The following FER1L5 variants were observed in gnomAD, a reference collection of about 807,000 sequenced individuals.
FER1L5 encodes the protein fer-1-like protein 5.
FER1L5 carries 187 observed loss-of-function variants against 279.9 expected under a neutral mutation model. The observed-to-expected ratio is 0.67, with a 90% CI of 0.59 to 0.75. FER1L5 has a LOEUF of 0.75. Ranked by LOEUF, FER1L5 falls within the 30% of genes least tolerant of loss-of-function variation. The pLI is 0.00. For synonymous variants in FER1L5, 921 were observed against 989.7 expected (o/e 0.93, Z 1.30); for missense variants, 2,091 against 2,594.4 (o/e 0.81, Z 4.21).
At chr2:96,671,644 T>C (rs1424681327) in intron 18 of FER1L5, among the ~76,000 whole-genome samples, 1 of 152,078 alleles carries the variant, frequency 6.6e-6, no homozygotes, top group Non-Finnish European at 1.5e-5. Context: ...GAACCTGTGG[T>C]AGTGGAAGAA....
At chr2:96,677,587 C>T (rs190426873) in intron 19 of FER1L5, among the ~76,000 whole-genome samples, 21 of 152,198 alleles carry the variant, frequency 1.4e-4, no homozygotes, top group African/African-American at 3.1e-4. Flanking sequence ...TAAAGCTGCC[C>T]GGGCACGGTG....
chr2:96,654,243 T>C (rs532017530), intron 8 of FER1L5: 2 of 379,744 alleles, frequency 5.3e-6, no homozygotes, highest in Non-Finnish European at 9.3e-6. Flanking sequence ...AATTTCCTCA[T>C]CAGTAAAATG....
chr2:96,654,274 ACAGG>A (rs887472419), intron 8 of FER1L5, 168 bp from the exon 9 acceptor site: 3 of 389,946 alleles, frequency 7.7e-6, no homozygotes, highest in Non-Finnish European at 1.4e-5. Flanking sequence ...TCTGAACCTC[ACAGG>A]GTTCCTCTGA....
chr2:96,647,620 G>T (rs1393389618), intron 3 of FER1L5, among the ~76,000 whole-genome samples, 158 bp from the exon 4 acceptor site: 2 of 152,194 alleles, frequency 1.3e-5, no homozygotes, highest in African/African-American at 4.8e-5. Flanking sequence ...CCTGTGCCCT[G>T]TCATGGATAC....
At position 96,663,524 on chromosome 2, in the gene FER1L5, A is replaced by C; in HGVS notation, c.1140+17A>C. The C allele has an allele frequency of 6.4e-7, 1 of 1,551,098 alleles. No homozygotes were observed. ...CGGATTCAGGTATGGCTCCTCCATC[A>C]TGCCCACCCTTCTCCCACATCCCCT... On this transcript the variant is annotated intron_variant, in intron 14 of 52. Coordinates refer to ENST00000624922, the MANE Select transcript of FER1L5 (RefSeq NM_001293083.2).
At chr2:96,692,839 C>T (rs1486197716) in intron 31 of FER1L5, among the ~76,000 whole-genome samples, 1 of 152,070 alleles carries the variant, frequency 6.6e-6, no homozygotes, top group Admixed American at 6.5e-5. Flanking sequence ...TCGAGAGGCC[C>T]ATGTGACGCT....
intron 1 of FER1L5, among the ~76,000 whole-genome samples, chr2:96,644,324 A>C (rs1036014704): frequency 1.4e-4 from 21 of 148,894 alleles, no homozygotes; most frequent in Non-Finnish European, 2.5e-4. Flanking sequence ...TAAAAATACA[A>C]AAAAAAAAAA....
Position 96,689,638 on chromosome 2 carries a change from C to A in FER1L5, c.2526-6C>A. 1 of 1,549,486 alleles carries A rather than the reference C, an allele frequency of 6.5e-7. No individual in the cohort carries two copies. Among genetic ancestry groups the A allele is most frequent in the Non-Finnish European group, 8.7e-7 (1 of 1,145,498 alleles). On this transcript the variant is annotated splice_region_variant and splice_polypyrimidine_tract_variant and intron_variant, in intron 25 of 52. Coordinates refer to ENST00000624922, the MANE Select transcript of FER1L5 (RefSeq NM_001293083.2). This position sits in a 1 kb window ranked among gnomAD's most constrained non-coding sequence, Gnocchi z 4.6. The stretch of plus-strand genomic sequence containing the variant: ...TGCTGGGAACTTGGGGTCTCATTAC[C>A]CCCAGGCTCCTCCTGGACATAGACA...
intron 18 of FER1L5, among the ~76,000 whole-genome samples, chr2:96,672,427 A>T (rs556271673): frequency 6.6e-6 from 1 of 152,270 alleles, no homozygotes; most frequent in South Asian, 2.1e-4. Flanking sequence ...GTGGTAGCTA[A>T]ATAGGGGTTC....
Position 96,691,448 on chromosome 2 carries a change from C to T in FER1L5, c.2911C>T (p.Leu971=). ...QETLSFLQLG[L]AKGEEEGWEY... ...CCTGCTCTCCTCCCCACCACAGGGC[C>T]TGGCCAAGGGCGAGGAGGAGGGCTG... The change falls in exon 29 of 53, where the codon CTG becomes TTG. Residue 971 remains leucine, a synonymous_variant. Coordinates refer to ENST00000624922, the MANE Select transcript of FER1L5 (RefSeq NM_001293083.2). This position sits in a 1 kb window ranked among gnomAD's most constrained non-coding sequence, Gnocchi z 6.0. The T allele has an allele frequency of 1.3e-6, 2 of 1,538,738 alleles. No individual in the cohort carries two copies. Among genetic ancestry groups the T allele is most frequent in the Middle Eastern group, 1.7e-4 (1 of 5,920 alleles).
intron 19 of FER1L5, 89 bp from the exon 20 acceptor site, chr2:96,684,238 C>A: frequency 6.7e-7 from 1 of 1,485,790 alleles, no homozygotes; most frequent in South Asian, 1.3e-5. Context: ...GTGCAGTGGT[C>A]CAGAGAGGTC....
chr2:96,697,595 C>G lies in FER1L5; in HGVS notation c.4134+19C>G. On this transcript the variant is annotated intron_variant, in intron 38 of 52. Coordinates refer to ENST00000624922, the MANE Select transcript of FER1L5 (RefSeq NM_001293083.2). ...AGCAGAGGTGATGAAGGCTCAGCCC[C>G]ATTCAGTGCAGGGAGGTGGGGGGCT... The G allele has an allele frequency of 6.2e-7, 1 of 1,613,804 alleles. No homozygotes were observed.
chr2:96,699,296 T>C (rs531417067), intron 42 of FER1L5, among the ~76,000 whole-genome samples, 160 bp downstream of exon 42: 16 of 152,164 alleles, frequency 1.1e-4, no homozygotes, highest in African/African-American at 3.9e-4. Flanking sequence ...AAGACAAATA[T>C]ATGGGTGGGC....
chr2:96,684,558 C>A, intron 20 of FER1L5, 107 bp downstream of exon 20: 1 of 1,427,026 alleles, frequency 7.0e-7, no homozygotes, highest in Non-Finnish European at 9.4e-7. Context: ...ACAGCTCATT[C>A]ATGCATTCAT....
chr2:96,687,713 A>C, intron 23 of FER1L5, 103 bp from the exon 24 acceptor site: 2 of 1,480,598 alleles, frequency 1.4e-6, no homozygotes, highest in East Asian at 2.5e-5. Context: ...CCCCGCTCCC[A>C]GGGCTCAGGG....
chr2:96,664,190 G>A (rs1391861908), intron 14 of FER1L5, among the ~76,000 whole-genome samples: 1 of 151,304 alleles, frequency 6.6e-6, no homozygotes, highest in African/African-American at 2.4e-5. Context: ...TGGAAGGGGA[G>A]GGAAGGAAGG....
intron 5 of FER1L5, 54 bp from the exon 6 acceptor site, chr2:96,650,126 T>C (rs534764279): frequency 2.9e-6 from 4 of 1,403,060 alleles, no homozygotes; most frequent in African/African-American, 1.4e-5. Context: ...GGAAAATACC[T>C]CAAACCTCCT....
intron 19 of FER1L5, among the ~76,000 whole-genome samples, chr2:96,681,876 C>CT (rs976016254): frequency 2.6e-4 from 39 of 147,466 alleles, no homozygotes; most frequent in Middle Eastern, 3.9e-3. Context: ...TGCACCACCT[C>CT]TCGGGTTCAA....
At chr2:96,655,125 T>A (rs2075548453) in intron 9 of FER1L5, among the ~76,000 whole-genome samples, 1 of 152,108 alleles carries the variant, frequency 6.6e-6, no homozygotes, top group Non-Finnish European at 1.5e-5. Context: ...TGGACACAGT[T>A]CAAATCTCTG....
Sources: allele counts gnomAD v4.1 joint callset (sites outside exome capture counted in the v4.1 genomes callset), GRCh38; gene constraint gnomAD v4.1.1; non-coding constraint Gnocchi (gnomAD v3.1); transcripts MANE v1.5; gene names NCBI Gene and HGNC (gene_info 2026-07-23, HGNC 2026-07-21).